Variants in NRG3 observed in about 807,000 individuals in gnomAD.
NRG3 encodes the protein neuregulin 3.
Under a neutral mutation model 66.9 loss-of-function variants are expected in NRG3, and 31 were observed. That is an observed-to-expected ratio of 0.46 (90% CI 0.35 to 0.63). The LOEUF is 0.63. NRG3 is among the 20% of genes least tolerant of loss of function. NRG3 has a pLI of 0.00. For missense variants in NRG3, 910 were observed against 878.9 expected (o/e 1.04, Z -0.45); for synonymous variants, 393 against 359.4 (o/e 1.09, Z -1.06).
intron 1 of NRG3, among the ~76,000 whole-genome samples, chr10:82,125,520 A>AT (rs2068388177): frequency 6.6e-6 from 1 of 152,032 alleles, no homozygotes; most frequent in African/African-American, 2.4e-5. Flanking sequence ...TAGCTGGGAC[A>AT]CCTCTTTTTA....
At chr10:82,878,030 G>A (rs1169021682) in intron 4 of NRG3, among the ~76,000 whole-genome samples, 1 of 152,134 alleles carries the variant, frequency 6.6e-6, no homozygotes, top group Admixed American at 6.5e-5. Context: ...TGGGATAAAG[G>A]GAGACAGAGG....
chr10:82,382,928 C>T (rs1394087496), intron 2 of NRG3, among the ~76,000 whole-genome samples: 2 of 151,890 alleles, frequency 1.3e-5, no homozygotes, highest in Non-Finnish European at 2.9e-5. Context: ...TGCTTAATTG[C>T]AACCTCTAAT....
At chr10:82,592,546 C>T (rs1336447696) in intron 2 of NRG3, among the ~76,000 whole-genome samples, 1 of 152,138 alleles carries the variant, frequency 6.6e-6, no homozygotes, top group Non-Finnish European at 1.5e-5. Flanking sequence ...ACTCATGTGC[C>T]AAATGGAAGC....
intron 1 of NRG3, among the ~76,000 whole-genome samples, chr10:82,154,640 T>A (rs2071048960): frequency 6.6e-6 from 1 of 151,880 alleles, no homozygotes. Context: ...TTGCATTGAA[T>A]CTGTAGATTG....
chr10:82,168,683 T>C (rs572241308), intron 1 of NRG3, among the ~76,000 whole-genome samples: 10 of 152,214 alleles, frequency 6.6e-5, no homozygotes, highest in Middle Eastern at 6.8e-3. Flanking sequence ...TCCATAGTGG[T>C]GCAAGGTAAT....
At chr10:81,979,663 AC>A (rs1463435755) in intron 1 of NRG3, among the ~76,000 whole-genome samples, 2 of 152,206 alleles carry the variant, frequency 1.3e-5, no homozygotes, top group Non-Finnish European at 2.9e-5. Context: ...AAGAAATACA[AC>A]CTGAGCCATC....
chr10:82,691,140 A>C lies in NRG3; in HGVS notation c.954-47437A>C, dbSNP rs548679657. ...TGATTATCTCAACCTTAAGAAAAAC[A>C]GCTGGATTCTAGAAAACCCTCAAAG... is the stretch of plus-strand genomic sequence containing the variant. On this transcript the variant is annotated intron_variant, in intron 2 of 8. Coordinates refer to ENST00000372141, the MANE Select transcript of NRG3 (RefSeq NM_001010848.4). 4.6e-5 allele frequency among the ~76,000 whole-genome samples: 7 copies of C among 152,318 alleles called. No individual in the cohort carries two copies. In the East Asian group the frequency reaches 1.4e-3, roughly 29 times the overall value.
intron 2 of NRG3, among the ~76,000 whole-genome samples, chr10:82,541,788 G>A (rs972641123): frequency 6.6e-6 from 1 of 152,028 alleles, no homozygotes; most frequent in African/African-American, 2.4e-5. Context: ...ATATTGCCTC[G>A]CTCTGTCCAC....
intron 1 of NRG3, among the ~76,000 whole-genome samples, chr10:82,002,433 T>G (rs927017043): frequency 6.6e-6 from 1 of 152,198 alleles, no homozygotes; most frequent in Non-Finnish European, 1.5e-5. Context: ...GAACGTTCAA[T>G]GTGGTAGAAA....
chr10:82,210,439 G>T (rs1185258952), intron 1 of NRG3, among the ~76,000 whole-genome samples: 1 of 152,314 alleles, frequency 6.6e-6, no homozygotes, highest in East Asian at 1.9e-4. Flanking sequence ...GTGCCAGCCT[G>T]CTGGACCACC....
intron 1 of NRG3, among the ~76,000 whole-genome samples, chr10:81,936,106 T>C (rs994711222): frequency 1.3e-5 from 2 of 152,158 alleles, no homozygotes; most frequent in African/African-American, 4.8e-5. Flanking sequence ...CCTTGTGTTA[T>C]GTGCCTATGG....
intron 3 of NRG3, among the ~76,000 whole-genome samples, chr10:82,754,531 G>C (rs147401085): frequency 1.4e-5 from 2 of 146,998 alleles, no homozygotes; most frequent in East Asian, 3.9e-4. Context: ...AGAGAAAGGG[G>C]GGAAAAGAAA....
At position 82,166,962 on chromosome 10, in the gene NRG3, C is replaced by T. The variant is rs535386269; in HGVS notation, c.824-191777C>T. ...TGCTCGCATTATTTTGATAAGAAATCTGCCATCTTTCTTATCTTTGTTCCT... is the reference window on the plus strand; with the variant it reads ...TGCTCGCATTATTTTGATAAGAAATTTGCCATCTTTCTTATCTTTGTTCCT... On this transcript the variant is annotated intron_variant, in intron 1 of 8. Transcript: ENST00000372141. 159 of 447,148 alleles carry T rather than the reference C, an allele frequency of 3.6e-4. 2 individuals are homozygous for T. The South Asian group carries it at 6.9e-3, about 19-fold the overall frequency. The allele number at this position is 447,148 out of a possible 1,614,324, so 27.7% of individuals were successfully genotyped here.
intron 2 of NRG3, among the ~76,000 whole-genome samples, chr10:82,643,053 A>G (rs2050692108): frequency 6.6e-6 from 1 of 152,084 alleles, no homozygotes; most frequent in Admixed American, 6.6e-5. Context: ...ACCTTTACAT[A>G]TTTTTGAAAT....
At chr10:82,679,029 T>A (rs1344595300) in intron 2 of NRG3, among the ~76,000 whole-genome samples, 1 of 152,228 alleles carries the variant, frequency 6.6e-6, no homozygotes, top group Non-Finnish European at 1.5e-5. Flanking sequence ...TTATGCTTTG[T>A]TTTGTGATGT....
chr10:81,987,083 T>C (rs368797411), intron 1 of NRG3, among the ~76,000 whole-genome samples: 40 of 63,640 alleles, frequency 6.3e-4, no homozygotes, highest in Admixed American at 2.6e-3. Context: ...TGTGTGTGCA[T>C]TTTTTTTTTT....
In NRG3 at chr10:82,714,058, C is replaced by T. The variant is rs372482282; in HGVS notation, c.954-24519C>T. ...AGTCATTCCATAGTAATATGTATCACCTTTAACTTATGATAACAATCCAGT... is the reference window on the plus strand; with the variant it reads ...AGTCATTCCATAGTAATATGTATCATCTTTAACTTATGATAACAATCCAGT... On this transcript the variant is annotated intron_variant, in intron 2 of 8. Coordinates refer to ENST00000372141, the MANE Select transcript of NRG3 (RefSeq NM_001010848.4). Among the ~76,000 whole-genome samples the T allele has an allele frequency of 2.6e-5, 4 of 152,156 alleles. No homozygotes were observed. The East Asian group carries it at 5.8e-4, about 22-fold the overall frequency.
chr10:82,004,891 C>T (rs2061324848), intron 1 of NRG3, among the ~76,000 whole-genome samples: 1 of 152,174 alleles, frequency 6.6e-6, no homozygotes, highest in African/African-American at 2.4e-5. Flanking sequence ...GACTTCTAGC[C>T]TCCAACATTG....
intron 1 of NRG3, among the ~76,000 whole-genome samples, chr10:82,292,914 G>A (rs930138168): frequency 6.6e-6 from 1 of 152,108 alleles, no homozygotes; most frequent in South Asian, 2.1e-4. Flanking sequence ...GCATCTTGAG[G>A]GTGTCAATGT....
Sources: allele counts gnomAD v4.1 joint callset (sites outside exome capture counted in the v4.1 genomes callset), GRCh38; gene constraint gnomAD v4.1.1; transcripts MANE v1.5; gene names NCBI Gene and HGNC (gene_info 2026-07-23, HGNC 2026-07-21).